Variants in SOHLH2 observed in about 807,000 individuals in gnomAD.
SOHLH2 encodes the protein spermatogenesis and oogenesis specific basic helix-loop-helix 2, also known as spermatogenesis- and oogenesis-specific basic helix-loop-helix-containing protein 2.
A neutral mutation model predicts 50.4 loss-of-function variants in SOHLH2; 22 were observed. That is an observed-to-expected ratio of 0.44 (90% CI 0.31 to 0.62). The LOEUF is 0.62. Ranked by LOEUF, SOHLH2 falls within the 20% of genes least tolerant of loss-of-function variation. The pLI is 0.08. For missense variants in SOHLH2, 412 were observed against 504.4 expected (o/e 0.82, Z 1.76); for synonymous variants, 185 against 187.3 (o/e 0.99, Z 0.10).
rs1255085060 is a variant in SOHLH2, at chr13:36,193,876, G to C, written c.264-9C>G. On this transcript the variant is annotated splice_polypyrimidine_tract_variant and intron_variant, in intron 2 of 10. Coordinates refer to ENST00000379881, the MANE Select transcript of SOHLH2 (RefSeq NM_017826.3). ...TTTTCTTTTTGCCAAATCTGAGAGAGGAAAGAAAATGTTAAAATGAAGCAA... is the reference window on the plus strand; with the variant it reads ...TTTTCTTTTTGCCAAATCTGAGAGACGAAAGAAAATGTTAAAATGAAGCAA... 6.3e-7 allele frequency: 1 copy of C among 1,587,394 alleles called. No individual in the cohort carries two copies. Among genetic ancestry groups the C allele is most frequent in the Non-Finnish European group, 8.5e-7 (1 of 1,172,932 alleles).
chr13:36,194,014 T>A, intron 2 of SOHLH2, 147 bp from the exon 3 acceptor site: 1 of 684,408 alleles, frequency 1.5e-6, no homozygotes, highest in Non-Finnish European at 2.2e-6. Flanking sequence ...GGAAATTTAG[T>A]AAAAGTAGCA....
At chr13:36,214,193 G>A (rs1185123329) in intron 1 of SOHLH2, among the ~76,000 whole-genome samples, 1 of 152,006 alleles carries the variant, frequency 6.6e-6, no homozygotes, top group East Asian at 1.9e-4. Context: ...TTTCTTCCTT[G>A]GCCTCCTCTC....
At chr13:36,212,071 A>G (rs551086053) in intron 1 of SOHLH2, among the ~76,000 whole-genome samples, 4 of 151,934 alleles carry the variant, frequency 2.6e-5, no homozygotes, top group East Asian at 1.9e-4. Context: ...TTTTGGGGGG[A>G]AAAAAAGTCA....
At position 36,206,398 on chromosome 13, in the gene SOHLH2, T is replaced by C. The variant is rs117675183; in HGVS notation, c.49-4305A>G. 5.4e-3 allele frequency among the ~76,000 whole-genome samples: 819 copies of C among 152,214 alleles called. 4 individuals are homozygous for C. The highest frequency in any genetic ancestry group is 0.012 in the Admixed American group (190 of 15,294). ...ATTGCTAATTAGTTTATAATTTCAG[T>C]TGATAGTTCCATTTTAATCTAAGAC... is the stretch of plus-strand genomic sequence containing the variant. On this transcript the variant is annotated intron_variant, in intron 1 of 10. Transcript: ENST00000379881.
intron 1 of SOHLH2, among the ~76,000 whole-genome samples, chr13:36,209,415 A>C: frequency 6.6e-6 from 1 of 152,170 alleles, no homozygotes; most frequent in East Asian, 1.9e-4. Context: ...AAACAACAGA[A>C]ATTTATTTCT....
At chr13:36,192,227 C>T (rs981815481) in intron 4 of SOHLH2, among the ~76,000 whole-genome samples, 4 of 152,114 alleles carry the variant, frequency 2.6e-5, no homozygotes, top group Non-Finnish European at 4.4e-5. Flanking sequence ...ACAAAAAACA[C>T]GCATGAGTCT....
rs981372004 is a variant in SOHLH2 at position 36,184,713 on chromosome 13, C to T, written c.641+5233G>A. 1.4e-4 allele frequency among the ~76,000 whole-genome samples: 21 copies of T among 152,076 alleles called. 1 individual carries two copies. Among genetic ancestry groups the T allele is most frequent in the Admixed American group, 3.3e-4 (5 of 15,286 alleles). On this transcript the variant is annotated intron_variant, in intron 6 of 10. Coordinates refer to ENST00000379881, the MANE Select transcript of SOHLH2 (RefSeq NM_017826.3). ...GACCTCGTGATCCACCCGCCTTGGCCTCCCAAAGTGCTGGGATTACAGGCG... is the reference window on the plus strand; with the variant it reads ...GACCTCGTGATCCACCCGCCTTGGCTTCCCAAAGTGCTGGGATTACAGGCG...
intron 2 of SOHLH2, among the ~76,000 whole-genome samples, chr13:36,199,038 G>T (rs1375042009): frequency 6.6e-6 from 1 of 152,138 alleles, no homozygotes; most frequent in Non-Finnish European, 1.5e-5. Flanking sequence ...AGTAGAGCCA[G>T]GCTTTTCATT....
intron 6 of SOHLH2, among the ~76,000 whole-genome samples, chr13:36,188,010 C>G (rs1482086074): frequency 2.6e-5 from 4 of 152,122 alleles, no homozygotes; most frequent in Non-Finnish European, 4.4e-5. Flanking sequence ...AACACTCTCT[C>G]TAGGAGCCCT....
intron 6 of SOHLH2, chr13:36,182,868 G>C (rs1329506584): frequency 1.3e-5 from 2 of 154,606 alleles, no homozygotes; most frequent in Admixed American, 1.3e-4. Context: ...AACAATGCTG[G>C]GTTGATAACT....
chr13:36,201,492 A>T (rs1413512861), intron 2 of SOHLH2, among the ~76,000 whole-genome samples: 2 of 149,130 alleles, frequency 1.3e-5, no homozygotes, highest in Admixed American at 1.3e-4. Context: ...TTTTTTTTAG[A>T]AATAGCATCT....
At chr13:36,203,964 T>C (rs1593959171) in intron 1 of SOHLH2, among the ~76,000 whole-genome samples, 1 of 147,792 alleles carries the variant, frequency 6.8e-6, no homozygotes, top group South Asian at 2.1e-4. Flanking sequence ...GTTTTTTTTT[T>C]TTTTTTTGAG....
rs775148904 is a variant in SOHLH2, at chr13:36,170,584, G to A, written c.1204C>T (p.Arg402Trp). The change falls in exon 10 of 11, where the codon CGG (arginine) becomes TGG (tryptophan). Residue 402 changes from arginine (R) to tryptophan (W), a missense_variant. By Grantham distance (101) the Arg-to-Trp change is moderately radical. Transcript: ENST00000379881. Reference protein sequence around the residue: ...AMPPVSKLLPRHCTSGLGQTC... With the variant: ...AMPPVSKLLPWHCTSGLGQTC... ...TGGCCCAACCCAGAAGTGCAGTGCC[G>A]AGGGAGAAGCTTTGAGACCGGGGGC... 54 of 1,614,054 alleles carry A rather than the reference G, an allele frequency of 3.3e-5. No homozygotes were observed. The highest frequency in any genetic ancestry group is 4.3e-5 in the Non-Finnish European group (51 of 1,180,032).
At chr13:36,190,079 C>T in intron 5 of SOHLH2, 23 bp from the exon 6 acceptor site, 3 of 1,580,900 alleles carry the variant, frequency 1.9e-6, no homozygotes, top group Middle Eastern at 1.7e-4. Flanking sequence ...GAAAATCACA[C>T]CATACATTAA....
chr13:36,211,250 CAT>C (rs1869102452), intron 1 of SOHLH2, among the ~76,000 whole-genome samples: 1 of 152,188 alleles, frequency 6.6e-6, no homozygotes, highest in Admixed American at 6.5e-5. Context: ...TAAAATAACA[CAT>C]ATAAACTAGG....
At chr13:36,174,665 T>C in intron 7 of SOHLH2, 57 bp downstream of exon 7, 2 of 1,596,546 alleles carry the variant, frequency 1.3e-6, no homozygotes, top group Non-Finnish European at 1.7e-6. Flanking sequence ...AGAAGTAAAA[T>C]TGTAGTATTA....
intron 6 of SOHLH2, among the ~76,000 whole-genome samples, chr13:36,185,823 A>G (rs1887400902): frequency 6.6e-6 from 1 of 152,182 alleles, no homozygotes; most frequent in Admixed American, 6.5e-5. Flanking sequence ...AGCCAAAAGG[A>G]AAAAATAGGG....
chr13:36,202,256 G>C lies in SOHLH2; in HGVS notation c.49-163C>G, dbSNP rs1290963058. Among the ~76,000 whole-genome samples the C allele has an allele frequency of 2.0e-5, 3 of 152,316 alleles. No homozygotes were observed. The East Asian group carries it at 5.8e-4, about 29-fold the overall frequency. On this transcript the variant is annotated intron_variant, in intron 1 of 10. Coordinates refer to ENST00000379881, the MANE Select transcript of SOHLH2 (RefSeq NM_017826.3). ...GTCAACTATAAGCAGCTCAAGGACAGGAACTACTAATTTCACATCTTCAGT... is the reference window on the plus strand; with the variant it reads ...GTCAACTATAAGCAGCTCAAGGACACGAACTACTAATTTCACATCTTCAGT...
At chr13:36,192,845 T>C (rs1887615133) in intron 4 of SOHLH2, among the ~76,000 whole-genome samples, 1 of 152,196 alleles carries the variant, frequency 6.6e-6, no homozygotes, top group Admixed American at 6.5e-5. Flanking sequence ...TTGTTAACTA[T>C]AGTCACACTG....
Sources: gnomAD v4.1 joint callset for allele counts (sites outside exome capture counted in the v4.1 genomes callset) on GRCh38, gnomAD v4.1.1 for gene constraint, MANE v1.5 for transcripts, NCBI Gene and HGNC (gene_info 2026-07-23, HGNC 2026-07-21) for gene names.